Variants in GABRR2 observed in about 807,000 individuals in gnomAD.
GABRR2 encodes the protein gamma-aminobutyric acid type A receptor subunit rho2, also known as gamma-aminobutyric acid receptor subunit rho-2.
In GABRR2, 36 loss-of-function variants were observed where a neutral mutation model predicts 47.0. That is an observed-to-expected ratio of 0.77 (90% CI 0.59 to 1.01). The LOEUF (loss-of-function observed/expected upper bound fraction) is 1.01. GABRR2 is among the 50% of genes least tolerant of loss of function. The pLI is 0.00. For missense variants in GABRR2, 587 were observed against 594.6 expected, an observed-to-expected ratio of 0.99 and a Z score of 0.13; for synonymous variants, 204 against 227.5, an observed-to-expected ratio of 0.90 and a Z score of 0.93.
chr6:89,300,862 G>A lies in GABRR2; in HGVS notation c.114-997C>T, dbSNP rs980656634. The stretch of plus-strand genomic sequence containing the variant: ...AACTATTCCAAAAAATTGAGGAGGC[G>A]GGACTCCTCCCCAGTTCATTCTATG... On this transcript the variant is annotated intron_variant, in intron 1 of 8. Transcript: ENST00000402938. Among the ~76,000 whole-genome samples the A allele has an allele frequency of 1.1e-4, 17 of 151,882 alleles. No individual in the cohort carries two copies. In the East Asian group the frequency reaches 3.1e-3, roughly 28 times the overall value.
intron 1 of GABRR2, chr6:89,302,628 C>A: frequency 7.9e-7 from 1 of 1,258,846 alleles, no homozygotes; most frequent in Non-Finnish European, 1.1e-6. Flanking sequence ...CGTGCCCGAG[C>A]TCACCCCTCA....
Position 89,315,195 on chromosome 6 carries a change from C to T in GABRR2, c.-30G>A, listed in dbSNP as rs779015032. On this transcript the variant is annotated 5_prime_UTR_variant, in exon 1 of 9. Coordinates refer to ENST00000402938, the MANE Select transcript of GABRR2 (RefSeq NM_002043.5). ...TGGACATCTGTGAGGCAAAAAGCTG[C>T]TTTCCAGTAGCCTGTGGCAGAGCAA... 2 of 1,613,348 alleles carry T rather than the reference C, an allele frequency of 1.2e-6. No individual in the cohort carries two copies. The highest frequency in any genetic ancestry group is 1.7e-5 in the Admixed American group (1 of 59,992).
intron 4 of GABRR2, 62 bp downstream of exon 4, chr6:89,268,949 G>T (rs953060479): frequency 6.8e-7 from 1 of 1,471,332 alleles, no homozygotes; most frequent in Admixed American, 1.7e-5. Context: ...CAGGGCCAAA[G>T]GGCCTGACCA....
At chr6:89,258,067 C>T in intron 8 of GABRR2, 86 bp from the exon 9 acceptor site, 1 of 1,218,006 alleles carries the variant, frequency 8.2e-7, no homozygotes, top group Non-Finnish European at 1.1e-6. Context: ...AGCCACATTG[C>T]TACTCAGAAC....
In GABRR2 at chr6:89,269,241, G is replaced by A. The variant is rs1773987486; in HGVS notation, c.289-7C>T. 2.5e-6 allele frequency: 4 copies of A among 1,610,990 alleles called. No homozygotes were observed. The highest frequency in any genetic ancestry group is 3.4e-6 in the Non-Finnish European group (4 of 1,177,190). On this transcript the variant is annotated splice_region_variant and splice_polypyrimidine_tract_variant and intron_variant, in intron 3 of 8. Transcript: ENST00000402938. ...ACAGGGTCATAGTGAAGTCCTGTGG[G>A]AGCCGGGGTGAGACCAGACAAAAAT... is the stretch of plus-strand genomic sequence containing the variant.
chr6:89,270,021 C>A (rs1774011965), intron 3 of GABRR2, among the ~76,000 whole-genome samples: 1 of 152,058 alleles, frequency 6.6e-6, no homozygotes, highest in Non-Finnish European at 1.5e-5. Flanking sequence ...TGTGGTGGGC[C>A]CAGAGGGAGC....
At chr6:89,268,906 C>A in intron 4 of GABRR2, 105 bp downstream of exon 4, 1 of 978,062 alleles carries the variant, frequency 1.0e-6, no homozygotes. Flanking sequence ...CTCCCATCCA[C>A]GAACCCACAG....
chr6:89,278,284 C>G (rs1263298615), intron 2 of GABRR2, among the ~76,000 whole-genome samples: 1 of 152,224 alleles, frequency 6.6e-6, no homozygotes, highest in Admixed American at 6.5e-5. Flanking sequence ...AGGTACCTGA[C>G]TGGAATGGCA....
At chr6:89,299,887 T>C (rs1424290156) in intron 1 of GABRR2, 22 bp from the exon 2 acceptor site, 1 of 1,494,316 alleles carries the variant, frequency 6.7e-7, no homozygotes, top group Non-Finnish European at 9.3e-7. Context: ...AGCAAGAAAC[T>C]ATTTTCCATC....
At chr6:89,292,346 TTATATATATA>T (rs57703020) in intron 2 of GABRR2, among the ~76,000 whole-genome samples, 309 of 13,838 alleles carry the variant, frequency 0.022, 52 homozygotes, top group East Asian at 0.14. Flanking sequence ...AAAAAAAATT[TTATATATATA>T]TATATATATA....
Position 89,310,914 on chromosome 6 carries a change from G to A in GABRR2, c.113+4139C>T, listed in dbSNP as rs1028055578. On this transcript the variant is annotated intron_variant, in intron 1 of 8. Coordinates refer to ENST00000402938, the MANE Select transcript of GABRR2 (RefSeq NM_002043.5). The stretch of plus-strand genomic sequence containing the variant: ...GGAAGAGGAAGCTATGATAAGATTC[G>A]CTTTTAGACAAGCCTATTATAGCTT... Among the ~76,000 whole-genome samples, 19 of 152,260 alleles carry A rather than the reference G, an allele frequency of 1.2e-4. 1 individual carries two copies. The South Asian group carries it at 2.9e-3, about 23-fold the overall frequency.
chr6:89,266,677 A>G (rs1241720424), intron 6 of GABRR2, among the ~76,000 whole-genome samples: 2 of 152,210 alleles, frequency 1.3e-5, no homozygotes, highest in African/African-American at 2.4e-5. Context: ...CACTAAGTAT[A>G]TTATTCACAA....
At chr6:89,274,395 C>T (rs903227346) in intron 2 of GABRR2, among the ~76,000 whole-genome samples, 1 of 152,226 alleles carries the variant, frequency 6.6e-6, no homozygotes, top group Admixed American at 6.5e-5. Context: ...CTTTGTGGCC[C>T]TTCCCAACCT....
chr6:89,303,126 G>C (rs1767485860), intron 1 of GABRR2: 3 of 540,290 alleles, frequency 5.6e-6, no homozygotes, highest in Non-Finnish European at 1.0e-5. Context: ...GCTGCTTGCA[G>C]CTGGAGTGAG....
rs377142027 is a variant in GABRR2 at position 89,315,236 on chromosome 6, A to C, written c.-71T>G. On this transcript the variant is annotated 5_prime_UTR_variant, in exon 1 of 9. Transcript: ENST00000402938. ...GGCAGAGCAAATCCCCCCTGGCTTG[A>C]CCATTGATCCATCTGCTGCCTCCTG... The C allele has an allele frequency of 1.2e-6, 2 of 1,606,554 alleles. No individual in the cohort carries two copies. The highest frequency in any genetic ancestry group is 2.7e-5 in the African/African-American group (2 of 74,676).
chr6:89,260,968 AG>A (rs1773731312), intron 8 of GABRR2, among the ~76,000 whole-genome samples: 1 of 152,236 alleles, frequency 6.6e-6, no homozygotes. Flanking sequence ...ATTTGACAAC[AG>A]CAGAGTACGA....
chr6:89,279,796 C>T (rs1774226047), intron 2 of GABRR2, among the ~76,000 whole-genome samples: 1 of 152,098 alleles, frequency 6.6e-6, no homozygotes, highest in South Asian at 2.1e-4. Flanking sequence ...GTTTCCTCAT[C>T]TCTAAAATAG....
At chr6:89,292,788 G>GATATATCGT (rs1259271985) in intron 2 of GABRR2, among the ~76,000 whole-genome samples, 3 of 9,412 alleles carry the variant, frequency 3.2e-4, no homozygotes, top group Non-Finnish European at 5.0e-4. Flanking sequence ...TCGTATATAC[G>GATATATCGT]ATATATCGTA....
At chr6:89,310,791 C>A (rs1006110685) in intron 1 of GABRR2, among the ~76,000 whole-genome samples, 1 of 152,014 alleles carries the variant, frequency 6.6e-6, no homozygotes, top group African/African-American at 2.4e-5. Context: ...GCTGCAGGGA[C>A]AAGCAGAGGC....
Sources: allele counts gnomAD v4.1 joint callset (sites outside exome capture counted in the v4.1 genomes callset), GRCh38; gene constraint gnomAD v4.1.1; transcripts MANE v1.5; gene names NCBI Gene and HGNC (gene_info 2026-07-23, HGNC 2026-07-21).